The following ZMIZ1 variants were observed in gnomAD, a reference collection of about 807,000 sequenced individuals.
The protein encoded by ZMIZ1 is zinc finger MIZ domain-containing protein 1.
Under a neutral mutation model 113.9 loss-of-function variants are expected in ZMIZ1, and 17 were observed. The observed-to-expected ratio is 0.15, with a 90% CI of 0.10 to 0.22. The LOEUF (loss-of-function observed/expected upper bound fraction) is 0.22, where lower values mean the gene tolerates loss of function less well. ZMIZ1 is among the 10% of genes least tolerant of loss of function. ZMIZ1 has a pLI of 1.00. For synonymous variants in ZMIZ1, 607 were observed against 603.1 expected (o/e 1.01, Z -0.09); for missense variants, 1,059 against 1,477.8 (o/e 0.72, Z 4.65).
In ZMIZ1 at chr10:79,289,855, C is replaced by T; in HGVS notation, c.506C>T (p.Thr169Met). 1 of 1,614,096 alleles carries T rather than the reference C, an allele frequency of 6.2e-7. No homozygotes were observed. Among genetic ancestry groups the T allele is most frequent in the Non-Finnish European group, 8.5e-7 (1 of 1,179,932 alleles). The change falls in exon 9 of 25, where the codon ACG becomes ATG. Residue 169 changes from threonine (T) to methionine (M), a missense_variant. By Grantham distance (81) the Thr-to-Met change is moderately conservative. Around this residue, in one of 6 missense-constraint regions of ZMIZ1, gnomAD observed 272 missense variants for 350.4 expected, o/e 0.78. Coordinates refer to ENST00000334512, the MANE Select transcript of ZMIZ1 (RefSeq NM_020338.4). ...CCCGGCTCCCTTTCCGTGGTCACCA[C>T]GGTTTGGGGAGTAACCAACACATCC... ...QPPGSLSVVTTVWGVTNTSQS... is the reference protein window; with the variant it reads ...QPPGSLSVVTMVWGVTNTSQS...
In ZMIZ1 at chr10:79,285,686, C is replaced by G. The variant is rs1335042469; in HGVS notation, c.426-4089C>G. On this transcript the variant is annotated intron_variant, in intron 8 of 24. Coordinates refer to ENST00000334512, the MANE Select transcript of ZMIZ1 (RefSeq NM_020338.4). ...TTGTTTAGCAAAGGTTTCCTGAGCC[C>G]TATTGGTGTGTGAAGACATCATGCT... 6 of 430,682 alleles carry G rather than the reference C, an allele frequency of 1.4e-5. No individual in the cohort carries two copies. The East Asian group carries it at 2.9e-4, about 20-fold the overall frequency. The allele number at this position is 430,682 out of a possible 1,614,324, so 26.7% of individuals were successfully genotyped here. A position where few individuals can be genotyped will look rare whatever the true frequency, so the allele number is the denominator to read the frequency against.
At chr10:79,311,428 G>A (rs1020638057) in intron 24 of ZMIZ1, among the ~76,000 whole-genome samples, 3 of 152,174 alleles carry the variant, frequency 2.0e-5, no homozygotes, top group African/African-American at 7.2e-5. Context: ...CTGAACCCCA[G>A]CCCTGACCCA....
chr10:79,304,049 G>C lies in ZMIZ1; in HGVS notation c.2160G>C (p.Ser720=), dbSNP rs147064960. ...ATTTCAGCAGCGTGGCTGCCTCCTC[G>C]GGCAACACGACCCTCAACGGGGAGG... is the stretch of plus-strand genomic sequence containing the variant. The part of the protein sequence containing the change: ...KRNFSSVAAS[S]GNTTLNGEDG... The change falls in exon 19 of 25, where the codon TCG becomes TCC. Residue 720 remains serine (S), a synonymous_variant. Coordinates refer to ENST00000334512, the MANE Select transcript of ZMIZ1 (RefSeq NM_020338.4). The C allele has an allele frequency of 2.3e-5, 37 of 1,614,024 alleles. No individual in the cohort carries two copies. The highest frequency in any genetic ancestry group is 3.0e-5 in the Non-Finnish European group (35 of 1,180,052).
intron 24 of ZMIZ1, 58 bp from the exon 25 acceptor site, chr10:79,312,584 C>T (rs1304332141): frequency 5.7e-6 from 9 of 1,587,342 alleles, no homozygotes; most frequent in East Asian, 4.5e-5. Flanking sequence ...GCATTCCTCA[C>T]CCGGGGCCTG....
At chr10:79,177,997 T>G (rs1846943497) in intron 4 of ZMIZ1, among the ~76,000 whole-genome samples, 1 of 152,178 alleles carries the variant, frequency 6.6e-6, no homozygotes, top group Non-Finnish European at 1.5e-5. Flanking sequence ...TGATCCTTAA[T>G]GGCCACATGG....
chr10:79,253,277 G>A (rs186420700), intron 7 of ZMIZ1, among the ~76,000 whole-genome samples: 18 of 152,332 alleles, frequency 1.2e-4, no homozygotes, highest in Admixed American at 1.0e-3. Flanking sequence ...ACGTGTGGGG[G>A]TCGTTTGCAA....
chr10:79,107,234 ATT>A (rs61255303), intron 1 of ZMIZ1, among the ~76,000 whole-genome samples: 5,171 of 152,320 alleles, frequency 0.034, 268 homozygotes, highest in African/African-American at 0.11. Context: ...GCATCCTGCT[ATT>A]TAAGCCTCAT....
chr10:79,312,693 C>G lies in ZMIZ1; in HGVS notation c.3148C>G (p.Pro1050Ala), dbSNP rs376587677. 1.5e-5 allele frequency: 24 copies of G among 1,614,268 alleles called. No individual in the cohort carries two copies. Among genetic ancestry groups the G allele is most frequent in the Middle Eastern group, 3.3e-4 (2 of 6,062 alleles). ...CGAGCTCCTGTCTTATCTGGACCCCCCCGACCTGCCGAGCAATAGTAACGA... is the reference window on the plus strand; with the variant it reads ...CGAGCTCCTGTCTTATCTGGACCCCGCCGACCTGCCGAGCAATAGTAACGA... ...PDELLSYLDP[P>A]DLPSNSNDDL... Residue 1050 changes from proline (P) to alanine (A), a missense_variant, in exon 25 of 25, where the codon CCC (proline) becomes GCC (alanine). Physicochemically the swap from Pro to Ala is conservative, Grantham distance 27. Transcript: ENST00000334512.
At chr10:79,257,600 G>C (rs1009867331) in intron 7 of ZMIZ1, among the ~76,000 whole-genome samples, 2 of 152,242 alleles carry the variant, frequency 1.3e-5, no homozygotes, top group African/African-American at 2.4e-5. Context: ...TGGAAGAGAA[G>C]CCAGGCCTCA....
At chr10:79,286,765 G>T (rs2132012500) in intron 8 of ZMIZ1, among the ~76,000 whole-genome samples, 1 of 152,378 alleles carries the variant, frequency 6.6e-6, no homozygotes, top group South Asian at 2.1e-4. Context: ...CTGCAGGGCA[G>T]TTGGGAGCTT....
At chr10:79,305,271 C>G (rs548585235) in intron 20 of ZMIZ1, 40 bp downstream of exon 20, 1 of 1,608,510 alleles carries the variant, frequency 6.2e-7, no homozygotes, top group East Asian at 2.2e-5. Flanking sequence ...CCCCCATCCC[C>G]CAACCACAGA....
At chr10:79,218,313 A>G (rs1848818897) in intron 7 of ZMIZ1, among the ~76,000 whole-genome samples, 1 of 152,156 alleles carries the variant, frequency 6.6e-6, no homozygotes, top group South Asian at 2.1e-4. Context: ...ATATCTACAA[A>G]AAAATACAAA....
chr10:79,158,151 G>C (rs1204634522), intron 3 of ZMIZ1, among the ~76,000 whole-genome samples: 1 of 152,174 alleles, frequency 6.6e-6, no homozygotes, highest in Non-Finnish European at 1.5e-5. Flanking sequence ...TAACTCCTTG[G>C]TGTCTGCATC....
At chr10:79,212,957 G>T (rs1848583241) in intron 6 of ZMIZ1, among the ~76,000 whole-genome samples, 1 of 152,092 alleles carries the variant, frequency 6.6e-6, no homozygotes, top group Non-Finnish European at 1.5e-5. Flanking sequence ...GTGAGGCTGG[G>T]TTCCCTGACC....
At chr10:79,159,596 C>T (rs1846027790) in intron 3 of ZMIZ1, among the ~76,000 whole-genome samples, 1 of 152,194 alleles carries the variant, frequency 6.6e-6, no homozygotes, top group African/African-American at 2.4e-5. Context: ...AACCTCTTGG[C>T]CTCGTGTGGA....
chr10:79,310,008 T>C (rs1413084817), intron 23 of ZMIZ1, among the ~76,000 whole-genome samples: 3 of 152,080 alleles, frequency 2.0e-5, no homozygotes, highest in African/African-American at 7.2e-5. Flanking sequence ...AGCAGGGGAA[T>C]GTTCACATCT....
chr10:79,184,072 G>A (rs1031205741), intron 4 of ZMIZ1, among the ~76,000 whole-genome samples: 1 of 152,228 alleles, frequency 6.6e-6, no homozygotes, highest in East Asian at 1.9e-4. Context: ...CTTGAGGTGG[G>A]ATACTGGACA....
intron 22 of ZMIZ1, among the ~76,000 whole-genome samples, chr10:79,307,086 GGA>G (rs1218139044): frequency 3.9e-5 from 6 of 152,142 alleles, no homozygotes; most frequent in Non-Finnish European, 8.8e-5. Flanking sequence ...CCCACATTGG[GGA>G]GTAGCTCAGC....
intron 8 of ZMIZ1, among the ~76,000 whole-genome samples, chr10:79,282,223 A>G (rs1032453926): frequency 2.6e-5 from 4 of 152,246 alleles, no homozygotes; most frequent in Non-Finnish European, 5.9e-5. Flanking sequence ...CGCTTTCACA[A>G]TTAGCAAACT....
Sources: allele counts gnomAD v4.1 joint callset (sites outside exome capture counted in the v4.1 genomes callset), GRCh38; gene constraint gnomAD v4.1.1; regional missense constraint gnomAD v4.1.1; transcripts MANE v1.5; gene names NCBI Gene and HGNC (gene_info 2026-07-23, HGNC 2026-07-21).